NDST4: variants seen among roughly 807,000 people sequenced by gnomAD.
The protein encoded by NDST4 is N-heparan sulfate sulfotransferase 4.
In NDST4, 63 loss-of-function variants were observed where a neutral mutation model predicts 100.8. The ratio of observed to expected loss-of-function variants is 0.62; its 90% CI spans 0.51 to 0.77. The LOEUF (loss-of-function observed/expected upper bound fraction) is 0.77. Among genes scored for constraint, NDST4 ranks in the 30% least tolerant of loss-of-function variants. The pLI is 0.00. For synonymous variants in NDST4, 377 were observed against 361.8 expected (o/e 1.04, Z -0.48); for missense variants, 943 against 1,018.4 (o/e 0.93, Z 1.01).
chr4:114,922,488 T>C (rs1725309355), intron 6 of NDST4, among the ~76,000 whole-genome samples: 1 of 152,078 alleles, frequency 6.6e-6, no homozygotes. Context: ...AAGTCAAAGG[T>C]CAAACTGTGC....
At chr4:114,999,314 T>C (rs899489910) in intron 2 of NDST4, among the ~76,000 whole-genome samples, 1 of 152,068 alleles carries the variant, frequency 6.6e-6, no homozygotes, top group Non-Finnish European at 1.5e-5. Context: ...TGGTCCGCTG[T>C]GTACTAGTGG....
rs757008771 is a variant in NDST4, at chr4:114,870,905, G to T, written c.1582C>A (p.Leu528Ile). Residue 528 changes from leucine to isoleucine, a missense_variant, in exon 7 of 14, where the codon CTA becomes ATA. Around this residue, in one of 2 missense-constraint regions of NDST4, gnomAD observed 526 missense variants for 634.1 expected, o/e 0.83. Coordinates refer to ENST00000264363, the MANE Select transcript of NDST4 (RefSeq NM_022569.3). ...AAGTTCACAAAGGTATATAACCCTA[G>T]GCGGTCATTTCCATAGTTTGATAAA... The part of the protein sequence containing the change: ...THLSNYGNDR[L>I]GLYTFVNLVN... The T allele has an allele frequency of 1.1e-5, 17 of 1,611,028 alleles. No individual in the cohort carries two copies. The highest frequency in any genetic ancestry group is 1.7e-6 in the Non-Finnish European group (2 of 1,178,690).
At chr4:115,091,599 T>G (rs951502006) in intron 1 of NDST4, among the ~76,000 whole-genome samples, 9 of 152,110 alleles carry the variant, frequency 5.9e-5, no homozygotes, top group African/African-American at 2.2e-4. Context: ...CAACTTCTAT[T>G]GTTCATAGTT....
chr4:114,986,501 C>A (rs926297386), intron 2 of NDST4, among the ~76,000 whole-genome samples: 1 of 152,004 alleles, frequency 6.6e-6, no homozygotes, highest in Non-Finnish European at 1.5e-5. Context: ...TCCCTGAGAT[C>A]AGAAAATTTC....
At chr4:115,095,533 T>C (rs1477322831) in intron 1 of NDST4, among the ~76,000 whole-genome samples, 2 of 152,086 alleles carry the variant, frequency 1.3e-5, no homozygotes, top group Non-Finnish European at 2.9e-5. Flanking sequence ...ACTAATAGCC[T>C]ATTTTTCTTT....
At chr4:114,896,472 A>G (rs1458976200) in intron 6 of NDST4, among the ~76,000 whole-genome samples, 7 of 151,848 alleles carry the variant, frequency 4.6e-5, no homozygotes, top group African/African-American at 1.7e-4. Context: ...AAAATGCAAA[A>G]AATTAGCCGG....
chr4:114,985,169 G>A (rs956606960), intron 2 of NDST4, among the ~76,000 whole-genome samples: 1 of 152,122 alleles, frequency 6.6e-6, no homozygotes, highest in African/African-American at 2.4e-5. Flanking sequence ...TCCTACTTCT[G>A]AAATCACACT....
At chr4:114,958,397 A>AC (rs1356822665) in intron 4 of NDST4, among the ~76,000 whole-genome samples, 2 of 147,414 alleles carry the variant, frequency 1.4e-5, no homozygotes, top group Non-Finnish European at 2.9e-5. Context: ...TCCATCTGAG[A>AC]CCCCCAGTCT....
At chr4:114,909,144 T>G (rs559602125) in intron 6 of NDST4, among the ~76,000 whole-genome samples, 153 of 152,310 alleles carry the variant, frequency 1.0e-3, no homozygotes, top group African/African-American at 3.6e-3. Flanking sequence ...TAAAATTCAT[T>G]TATCAAAAAT....
In NDST4 at chr4:114,993,992, A is replaced by G. The variant is rs1157186544; in HGVS notation, c.979-16718T>C. On this transcript the variant is annotated intron_variant, in intron 2 of 13. Coordinates refer to ENST00000264363, the MANE Select transcript of NDST4 (RefSeq NM_022569.3). Reference sequence around the variant, plus strand: ...TTGAATCCAGACATTTGGCCCAGACATTGATGCCATATTGTTAAAACACAT... The same window carrying G: ...TTGAATCCAGACATTTGGCCCAGACGTTGATGCCATATTGTTAAAACACAT... Among the ~76,000 whole-genome samples the G allele has an allele frequency of 2.0e-5, 3 of 151,992 alleles. No homozygotes were observed. In the East Asian group the frequency reaches 5.8e-4, roughly 29 times the overall value.
chr4:115,010,785 C>A (rs1446653795), intron 2 of NDST4, among the ~76,000 whole-genome samples: 1 of 152,056 alleles, frequency 6.6e-6, no homozygotes, highest in Non-Finnish European at 1.5e-5. Flanking sequence ...GAAAGACAAT[C>A]ACCAGATATA....
intron 2 of NDST4, among the ~76,000 whole-genome samples, chr4:115,023,892 T>C (rs1727918475): frequency 6.6e-6 from 1 of 152,112 alleles, no homozygotes; most frequent in Admixed American, 6.6e-5. Context: ...TTCTACAAGC[T>C]CATTGCCCAG....
chr4:114,955,771 A>G (rs1001294784), intron 4 of NDST4: 20 of 152,180 alleles, frequency 1.3e-4, no homozygotes, highest in African/African-American at 4.3e-4. Flanking sequence ...TCTACTACAA[A>G]TGGTAAGAAC....
intron 7 of NDST4, among the ~76,000 whole-genome samples, chr4:114,858,758 CTCA>C (rs925260096): frequency 2.6e-5 from 4 of 152,142 alleles, no homozygotes; most frequent in Non-Finnish European, 5.9e-5. Flanking sequence ...GCTTTCTTTC[CTCA>C]TAACTTTAAG....
intron 2 of NDST4, among the ~76,000 whole-genome samples, chr4:114,997,960 T>C (rs1727201775): frequency 6.6e-6 from 1 of 152,060 alleles, no homozygotes; most frequent in Admixed American, 6.6e-5. Flanking sequence ...TGTTGAAAAT[T>C]ATATGTAGTC....
chr4:114,886,675 T>G (rs1234653673), intron 6 of NDST4, among the ~76,000 whole-genome samples: 1 of 152,142 alleles, frequency 6.6e-6, no homozygotes, highest in Non-Finnish European at 1.5e-5. Context: ...TTTTGATAGA[T>G]GGGAAAATTT....
At chr4:114,909,669 CA>C (rs773267929) in intron 6 of NDST4, among the ~76,000 whole-genome samples, 6,783 of 61,678 alleles carry the variant, frequency 0.11, 180 homozygotes, top group East Asian at 0.37. Context: ...GACTCCGTCT[CA>C]AAAAAAAAAA....
At chr4:115,069,921 A>G (rs1417868685) in intron 2 of NDST4, among the ~76,000 whole-genome samples, 2 of 152,134 alleles carry the variant, frequency 1.3e-5, no homozygotes, top group South Asian at 2.1e-4. Context: ...TTAAAAAATA[A>G]CAGTTGCAGA....
intron 11 of NDST4, among the ~76,000 whole-genome samples, chr4:114,836,307 G>A (rs1031919937): frequency 2.0e-5 from 3 of 152,150 alleles, no homozygotes; most frequent in Non-Finnish European, 4.4e-5. Context: ...GGCAGGCCTG[G>A]TGGTGACAAA....
Sources: allele counts gnomAD v4.1 joint callset (sites outside exome capture counted in the v4.1 genomes callset), GRCh38; gene constraint gnomAD v4.1.1; regional missense constraint gnomAD v4.1.1; transcripts MANE v1.5; gene names NCBI Gene and HGNC (gene_info 2026-07-23, HGNC 2026-07-21).